ATM: variants seen among roughly 807,000 people sequenced by gnomAD.
ATM encodes the protein serine-protein kinase ATM.
In ATM, 308 loss-of-function variants were observed where a neutral mutation model predicts 387.0. That is an observed-to-expected ratio of 0.80 (90% CI 0.73 to 0.87). The LOEUF (loss-of-function observed/expected upper bound fraction) is 0.87, where lower values mean the gene tolerates loss of function less well. ATM is among the 40% of genes least tolerant of loss of function. ATM has a pLI of 0.00. For missense variants in ATM, 3,312 were observed against 3,560.9 expected, an observed-to-expected ratio of 0.93 and a Z score of 1.78; for synonymous variants, 1,156 against 1,187.3, an observed-to-expected ratio of 0.97 and a Z score of 0.54.
At chr11:108,344,978 A>G (rs1299590242) in intron 57 of ATM, among the ~76,000 whole-genome samples, 1 of 152,016 alleles carries the variant, frequency 6.6e-6, no homozygotes. Flanking sequence ...ACTCCAGTCC[A>G]GGTGACAGAG....
intron 33 of ATM, chr11:108,299,477 A>G: frequency 5.1e-6 from 2 of 394,474 alleles, no homozygotes; most frequent in Non-Finnish European, 9.6e-6. Context: ...TTGTATTTTT[A>G]GTAAAGATGG....
intron 4 of ATM, among the ~76,000 whole-genome samples, chr11:108,233,263 A>AT (rs1455729072): frequency 6.6e-6 from 1 of 152,188 alleles, no homozygotes; most frequent in Non-Finnish European, 1.5e-5. Flanking sequence ...GTTCCATAAG[A>AT]TTCCTGAAAG....
chr11:108,317,003 A>G (rs1030155212), intron 42 of ATM, among the ~76,000 whole-genome samples: 2 of 151,466 alleles, frequency 1.3e-5, no homozygotes, highest in Admixed American at 1.3e-4. Context: ...GCGTGATCAT[A>G]GTTCACTGCA....
chr11:108,331,408 T>C (rs2136488482), intron 50 of ATM, 36 bp from the exon 51 acceptor site: 1 of 1,603,092 alleles, frequency 6.2e-7, no homozygotes, highest in South Asian at 1.1e-5. Flanking sequence ...TTGAAATACC[T>C]TGTTTCTTAA....
At chr11:108,228,067 A>G (rs2078835181) in intron 3 of ATM, among the ~76,000 whole-genome samples, 179 bp downstream of exon 3, 1 of 152,212 alleles carries the variant, frequency 6.6e-6, no homozygotes, top group Admixed American at 6.5e-5. Flanking sequence ...AAGGTTGTTC[A>G]TATAGAAACT....
intron 18 of ATM, 151 bp downstream of exon 18, chr11:108,268,760 T>G: frequency 1.2e-6 from 1 of 863,622 alleles, no homozygotes; most frequent in South Asian, 1.4e-5. Flanking sequence ...AAAATAACAC[T>G]TTTAACGTGC....
intron 33 of ATM, among the ~76,000 whole-genome samples, chr11:108,298,218 G>A (rs554641934): frequency 2.0e-5 from 3 of 152,240 alleles, no homozygotes; most frequent in South Asian, 2.1e-4. Flanking sequence ...TGAAGCTCTC[G>A]TGATGGTTTT....
chr11:108,367,489 TA>T lies in ATM; in HGVS notation c.*1986del. On this transcript the variant is annotated 3_prime_UTR_variant, in exon 63 of 63. Coordinates refer to ENST00000675843, the MANE Select transcript of ATM (RefSeq NM_000051.4). ...GTCATCATATAAGATAAACATCAGATAAAAAGCCACCTGAAAGTAAAACTAC... is the reference window on the plus strand; with the variant it reads ...GTCATCATATAAGATAAACATCAGATAAAAGCCACCTGAAAGTAAAACTAC... 1 of 205,272 alleles carries T rather than the reference TA, an allele frequency of 4.9e-6. No individual in the cohort carries two copies. Among genetic ancestry groups the T allele is most frequent in the East Asian group, 7.5e-5 (1 of 13,404 alleles). 12.7% of individuals were successfully genotyped at this position (205,272 alleles called of 1,614,324 possible).
chr11:108,293,894 AATATAT>A (rs1220002313), intron 31 of ATM, among the ~76,000 whole-genome samples: 90 of 83,682 alleles, frequency 1.1e-3, no homozygotes, highest in African/African-American at 2.9e-3. Context: ...AAAAAAAAAA[AATATAT>A]ATATATATAT....
chr11:108,262,453 A>G (rs2080956434), intron 16 of ATM, among the ~76,000 whole-genome samples: 2 of 152,362 alleles, frequency 1.3e-5, no homozygotes, highest in South Asian at 2.1e-4. Flanking sequence ...TGTCACCACC[A>G]GGCCTGCCTT....
Position 108,303,627 on chromosome 11 carries a change from A to G in ATM, c.5496+598A>G, listed in dbSNP as rs1279531230. 3.9e-5 allele frequency among the ~76,000 whole-genome samples: 6 copies of G among 152,190 alleles called. No individual in the cohort carries two copies. The East Asian group carries it at 1.2e-3, about 29-fold the overall frequency. ...GAGGTCAAACATCTGCTGATTACAG[A>G]TAACTGATAGAGAAGTATTTTCGTA... On this transcript the variant is annotated intron_variant, in intron 36 of 62. Coordinates refer to ENST00000675843, the MANE Select transcript of ATM (RefSeq NM_000051.4).
rs769346400 is a variant in ATM at position 108,287,593 on chromosome 11, C to T, written c.3994-7C>T. Reference sequence around the variant, plus strand: ...ATTAAATATATTTTAATTTTGTGCCCTTGCAGATTGATCACTTATTCATTA... The same window carrying T: ...ATTAAATATATTTTAATTTTGTGCCTTTGCAGATTGATCACTTATTCATTA... On this transcript the variant is annotated splice_region_variant and splice_polypyrimidine_tract_variant and intron_variant, in intron 26 of 62. Transcript: ENST00000675843. 37 of 1,572,004 alleles carry T rather than the reference C, an allele frequency of 2.4e-5. No homozygotes were observed. The highest frequency in any genetic ancestry group is 3.2e-5 in the Non-Finnish European group (36 of 1,142,810).
In ATM at chr11:108,365,408, C is replaced by T. The variant is rs786203183; in HGVS notation, c.9071C>T (p.Thr3024Ile). ...QEKLKGVEEG[T>I]VLSVGGQVNL... ...AAACTGAAAGGAGTGGAAGAAGGCA[C>T]TGTGCTCAGTGTTGGTGGACAAGTG... is the stretch of plus-strand genomic sequence containing the variant. Residue 3024 changes from threonine (T) to isoleucine (I), a missense_variant, in exon 63 of 63, where the codon ACT becomes ATT. Coordinates refer to ENST00000675843, the MANE Select transcript of ATM (RefSeq NM_000051.4). 8.7e-6 allele frequency: 14 copies of T among 1,614,068 alleles called. No individual in the cohort carries two copies. Among genetic ancestry groups the T allele is most frequent in the Non-Finnish European group, 1.2e-5 (14 of 1,180,044 alleles).
intron 30 of ATM, 64 bp downstream of exon 30, chr11:108,292,857 G>C (rs2135804296): frequency 6.4e-7 from 1 of 1,565,566 alleles, no homozygotes; most frequent in Non-Finnish European, 8.8e-7. Flanking sequence ...AGAAGGATTT[G>C]AGTGTTTTAT....
At chr11:108,325,965 T>A (rs1443727442) in intron 46 of ATM, 93 bp from the exon 47 acceptor site, 2 of 1,475,974 alleles carry the variant, frequency 1.4e-6, no homozygotes, top group Non-Finnish European at 1.9e-6. Flanking sequence ...AAGTCCTCAA[T>A]GAATGGTAGT....
chr11:108,266,772 A>G (rs1054952438), intron 16 of ATM, among the ~76,000 whole-genome samples: 2 of 151,140 alleles, frequency 1.3e-5, no homozygotes, highest in African/African-American at 4.9e-5. Context: ...TGAACCTTGA[A>G]TTGTTTGATT....
rs1565489916 is a variant in ATM at position 108,310,258 on chromosome 11, C to G, written c.5861C>G (p.Ala1954Gly). ...CAGTCTTGTGCTGCTCACTTTACAG[C>G]TTTACTCTATGCAGAAATCTATGCA... Reference protein sequence around the residue: ...VAQSCAAHFTALLYAEIYADK... With the variant: ...VAQSCAAHFTGLLYAEIYADK... The change falls in exon 39 of 63, where the codon GCT (alanine) becomes GGT (glycine). Residue 1954 changes from alanine (A) to glycine (G), a missense_variant. Around this residue, in one of 4 missense-constraint regions of ATM, gnomAD observed 1,405 missense variants for 1,604.4 expected, o/e 0.88. Transcript: ENST00000675843. 2 of 1,613,420 alleles carry G rather than the reference C, an allele frequency of 1.2e-6. No individual in the cohort carries two copies. Among genetic ancestry groups the G allele is most frequent in the Non-Finnish European group, 1.7e-6 (2 of 1,179,610 alleles).
chr11:108,293,327 G>A lies in ATM; in HGVS notation c.4626G>A (p.Leu1542=), dbSNP rs786202784. 8.4e-6 allele frequency: 13 copies of A among 1,554,928 alleles called. No individual in the cohort carries two copies. Among genetic ancestry groups the A allele is most frequent in the African/African-American group, 1.4e-5 (1 of 72,936 alleles). ...VEVQKQVLDL[L]KYLVIDNKDN... is the part of the protein sequence containing the mutation. ...ATTATATTTAGGTATTGGACTTGTT[G>A]AAATACTTAGTGATAGATAACAAGG... The change falls in exon 31 of 63, where the codon TTG becomes TTA. Residue 1542 remains leucine (L), a synonymous_variant. Coordinates refer to ENST00000675843, the MANE Select transcript of ATM (RefSeq NM_000051.4).
intron 14 of ATM, 89 bp from the exon 15 acceptor site, chr11:108,257,392 A>G (rs2135403746): frequency 6.9e-7 from 1 of 1,449,236 alleles, no homozygotes; most frequent in Non-Finnish European, 9.4e-7. Context: ...TTTATTTTAT[A>G]GTATGTCCAA....
Sources: allele counts gnomAD v4.1 joint callset (sites outside exome capture counted in the v4.1 genomes callset), GRCh38; gene constraint gnomAD v4.1.1; regional missense constraint gnomAD v4.1.1; transcripts MANE v1.5; gene names NCBI Gene and HGNC (gene_info 2026-07-23, HGNC 2026-07-21).